RCAN2: variants seen among roughly 807,000 people sequenced by gnomAD.
The protein encoded by RCAN2 is regulator of calcineurin 2.
A neutral mutation model predicts 23.6 loss-of-function variants in RCAN2; 9 were observed. The ratio of observed to expected loss-of-function variants is 0.38; its 90% CI spans 0.23 to 0.67. The LOEUF is 0.67. Among genes scored for constraint, RCAN2 ranks in the 30% least tolerant of loss-of-function variants. RCAN2 has a pLI of 0.51. For synonymous variants in RCAN2, 109 were observed against 115.7 expected (o/e 0.94, Z 0.37); for missense variants, 273 against 302.3 (o/e 0.90, Z 0.72).
intron 2 of RCAN2, among the ~76,000 whole-genome samples, chr6:46,272,020 CA>C (rs1767537100): frequency 1.3e-5 from 2 of 152,112 alleles, no homozygotes; most frequent in Admixed American, 6.5e-5. Context: ...CTTTATATCA[CA>C]AAACAATAAC....
At chr6:46,365,369 G>T (rs749884110) in intron 2 of RCAN2, among the ~76,000 whole-genome samples, 57 of 151,968 alleles carry the variant, frequency 3.8e-4, no homozygotes, top group Non-Finnish European at 6.8e-4. Context: ...CCAGCTACTC[G>T]GGAGGCTGAG....
Position 46,456,934 on chromosome 6 carries a change from G to A in RCAN2, c.43C>T (p.Gln15Ter). 6.4e-7 allele frequency: 1 copy of A among 1,550,840 alleles called. No individual in the cohort carries two copies. Among genetic ancestry groups the A allele is most frequent in the Non-Finnish European group, 8.7e-7 (1 of 1,147,016 alleles). The change falls in exon 2 of 5, where the codon CAG becomes TAG. Residue 15 changes from glutamine (Q) to a stop codon, truncating the protein, a stop_gained. Coordinates refer to ENST00000371374, the MANE Select transcript of RCAN2 (RefSeq NM_001251974.2). LOFTEE classifies it high-confidence loss of function. ...SYFIGMRSPG[Q>*]QGHVPEDGGL... is the part of the protein sequence containing the mutation. The stretch of plus-strand genomic sequence containing the variant: ...CCATCTTCAGGGACGTGTCCCTGCT[G>A]CCCTGGGCTCCTCATTCCGATGAAG...
chr6:46,279,491 C>T (rs1418763548), intron 2 of RCAN2, among the ~76,000 whole-genome samples: 1 of 152,202 alleles, frequency 6.6e-6, no homozygotes, highest in African/African-American at 2.4e-5. Flanking sequence ...ATGCCAGTAG[C>T]ATCCCCCTAA....
At chr6:46,290,146 A>G (rs1762503605) in intron 2 of RCAN2, among the ~76,000 whole-genome samples, 1 of 152,136 alleles carries the variant, frequency 6.6e-6, no homozygotes, top group Non-Finnish European at 1.5e-5. Context: ...CAGAAAAAAA[A>G]AAATGCATCT....
chr6:46,279,215 T>C (rs1767818204), intron 2 of RCAN2, among the ~76,000 whole-genome samples: 1 of 152,250 alleles, frequency 6.6e-6, no homozygotes, highest in Non-Finnish European at 1.5e-5. Flanking sequence ...CAAGAAGAGC[T>C]GTTGATTCTC....
At chr6:46,372,017 G>A (rs993356631) in intron 2 of RCAN2, among the ~76,000 whole-genome samples, 5 of 152,128 alleles carry the variant, frequency 3.3e-5, no homozygotes, top group African/African-American at 9.7e-5. Flanking sequence ...AACCAAATGG[G>A]CTGAACCATC....
intron 1 of RCAN2, among the ~76,000 whole-genome samples, chr6:46,471,890 C>G (rs75557956): frequency 4.6e-5 from 7 of 152,070 alleles, no homozygotes; most frequent in Non-Finnish European, 1.0e-4. Flanking sequence ...CAGGTGCGTG[C>G]GCACACACAC....
At chr6:46,325,328 TA>T in intron 2 of RCAN2, 1 of 1,582,602 alleles carries the variant, frequency 6.3e-7, no homozygotes, top group Non-Finnish European at 8.6e-7. Flanking sequence ...TTCTTCATGC[TA>T]AAAAGGCTCT....
chr6:46,382,234 G>C (rs1765630532), intron 2 of RCAN2, among the ~76,000 whole-genome samples: 1 of 152,164 alleles, frequency 6.6e-6, no homozygotes, highest in African/African-American at 2.4e-5. Context: ...AATACTAATA[G>C]TTCTTTTCTC....
intron 2 of RCAN2, among the ~76,000 whole-genome samples, chr6:46,336,953 C>CAAAAAAAAAAA (rs3084607): frequency 7.7e-6 from 1 of 130,360 alleles, no homozygotes; most frequent in African/African-American, 2.8e-5. Context: ...TTGGAAGTAC[C>CAAAAAAAAAAA]AAAAAAAAAA....
intron 1 of RCAN2, among the ~76,000 whole-genome samples, chr6:46,476,332 A>G (rs1768712168): frequency 1.3e-5 from 2 of 152,220 alleles, no homozygotes; most frequent in Non-Finnish European, 2.9e-5. Context: ...ATAATCCATA[A>G]AGCTAGGTAG....
At chr6:46,337,976 G>A (rs1280972951) in intron 2 of RCAN2, among the ~76,000 whole-genome samples, 1 of 152,170 alleles carries the variant, frequency 6.6e-6, no homozygotes, top group Non-Finnish European at 1.5e-5. Context: ...TCCCTGAAGT[G>A]TGGGCTGCAT....
intron 2 of RCAN2, among the ~76,000 whole-genome samples, chr6:46,335,688 C>T (rs1764119275): frequency 6.6e-6 from 1 of 152,150 alleles, no homozygotes; most frequent in African/African-American, 2.4e-5. Flanking sequence ...TTTTTATCTC[C>T]ACTCCCTTTA....
At chr6:46,278,497 A>G (rs1767788787) in intron 2 of RCAN2, among the ~76,000 whole-genome samples, 1 of 152,180 alleles carries the variant, frequency 6.6e-6, no homozygotes, top group African/African-American at 2.4e-5. Flanking sequence ...TACTAAAATC[A>G]AGGACATTCT....
At chr6:46,481,180 T>C (rs767483651) in intron 1 of RCAN2, among the ~76,000 whole-genome samples, 3 of 152,102 alleles carry the variant, frequency 2.0e-5, no homozygotes, top group Non-Finnish European at 4.4e-5. Context: ...GATAAACAAG[T>C]AAGAAACTTA....
chr6:46,226,728 G>C (rs536685919), intron 4 of RCAN2, among the ~76,000 whole-genome samples: 2 of 152,180 alleles, frequency 1.3e-5, no homozygotes, highest in Admixed American at 1.3e-4. Flanking sequence ...ATGTCATCTG[G>C]AAACAGAGAC....
At chr6:46,476,713 T>A (rs1768722835) in intron 1 of RCAN2, among the ~76,000 whole-genome samples, 1 of 146,658 alleles carries the variant, frequency 6.8e-6, no homozygotes, top group African/African-American at 2.6e-5. Flanking sequence ...TGTCTTTTGT[T>A]CTAGGTTTTT....
At chr6:46,345,232 A>G (rs1764446188) in intron 2 of RCAN2, among the ~76,000 whole-genome samples, 1 of 152,156 alleles carries the variant, frequency 6.6e-6, no homozygotes, top group South Asian at 2.1e-4. Flanking sequence ...GCACTTAATA[A>G]CGAGTATTCA....
intron 1 of RCAN2, among the ~76,000 whole-genome samples, chr6:46,478,091 T>A (rs1357410448): frequency 6.6e-6 from 1 of 152,218 alleles, no homozygotes; most frequent in Non-Finnish European, 1.5e-5. Context: ...TACGATGATT[T>A]CTTGCAAAGA....
Sources: gnomAD v4.1 joint callset for allele counts (sites outside exome capture counted in the v4.1 genomes callset) on GRCh38, gnomAD v4.1.1 for gene constraint, MANE v1.5 for transcripts, NCBI Gene and HGNC (gene_info 2026-07-23, HGNC 2026-07-21) for gene names.